Variants in RHBDL3 observed in about 807,000 individuals in gnomAD.
The protein encoded by RHBDL3 is rhomboid-related protein 3.
In RHBDL3, 28 loss-of-function variants were observed where a neutral mutation model predicts 48.2. The ratio of observed to expected loss-of-function variants is 0.58; its 90% CI spans 0.43 to 0.80. The LOEUF (loss-of-function observed/expected upper bound fraction) is 0.80. RHBDL3 is among the 30% of genes least tolerant of loss of function. RHBDL3 has a pLI of 0.00. For missense variants in RHBDL3, 464 were observed against 542.7 expected, an observed-to-expected ratio of 0.85 and a Z score of 1.44; for synonymous variants, 208 against 232.3, an observed-to-expected ratio of 0.90 and a Z score of 0.95.
Position 32,321,122 on chromosome 17 carries a change from C to T in RHBDL3, c.1108C>T (p.Leu370=). ...NYEQRLQDQS[L]WWIFVAMYTV... is the part of the protein sequence containing the mutation. ...CGAGCAGAGGCTCCAGGACCAGTCACTGTGGTGGATTTTTGTGGCCATGTA... is the reference window on the plus strand; with the variant it reads ...CGAGCAGAGGCTCCAGGACCAGTCATTGTGGTGGATTTTTGTGGCCATGTA... The change falls in exon 9 of 9, where the codon CTG becomes TTG. Residue 370 remains leucine, a synonymous_variant. Coordinates refer to ENST00000269051, the MANE Select transcript of RHBDL3 (RefSeq NM_138328.3). The T allele has an allele frequency of 6.2e-7, 1 of 1,614,248 alleles. No homozygotes were observed. The highest frequency in any genetic ancestry group is 8.5e-7 in the Non-Finnish European group (1 of 1,180,030).
chr17:32,307,371 C>G (rs184994656), intron 7 of RHBDL3, among the ~76,000 whole-genome samples: 1 of 152,316 alleles, frequency 6.6e-6, no homozygotes, highest in Non-Finnish European at 1.5e-5. Flanking sequence ...TTTGAATGCT[C>G]AATGATCACA....
At chr17:32,306,213 A>C (rs1169645185) in intron 7 of RHBDL3, among the ~76,000 whole-genome samples, 1 of 151,780 alleles carries the variant, frequency 6.6e-6, no homozygotes, top group Non-Finnish European at 1.5e-5. Flanking sequence ...CATGAGGTCA[A>C]GAGATCGAGA....
intron 2 of RHBDL3, among the ~76,000 whole-genome samples, chr17:32,274,473 G>A (rs771156969): frequency 1.2e-4 from 18 of 152,168 alleles, no homozygotes; most frequent in Admixed American, 3.3e-4. Context: ...AATATTCTTC[G>A]AGGGAGCAAA....
chr17:32,275,429 A>G (rs1567762558), intron 2 of RHBDL3, among the ~76,000 whole-genome samples: 3 of 152,180 alleles, frequency 2.0e-5, no homozygotes, highest in Non-Finnish European at 1.5e-5. Flanking sequence ...AGGAGGTCGG[A>G]AGGAGGAGAA....
intron 8 of RHBDL3, among the ~76,000 whole-genome samples, chr17:32,316,990 GC>G (rs1339127740): frequency 6.6e-6 from 1 of 151,602 alleles, no homozygotes; most frequent in African/African-American, 2.4e-5. Flanking sequence ...TCCTGTCTCA[GC>G]CCCCCAAGTA....
chr17:32,312,219 C>T (rs10853148), intron 7 of RHBDL3, among the ~76,000 whole-genome samples: 73,851 of 151,990 alleles, frequency 0.49, 19,865 homozygotes, highest in Non-Finnish European at 0.61. Flanking sequence ...GTGAATTGCT[C>T]GAGCCCAGGA....
chr17:32,271,167 A>C (rs1434235758), intron 2 of RHBDL3, among the ~76,000 whole-genome samples: 1 of 152,204 alleles, frequency 6.6e-6, no homozygotes, highest in Non-Finnish European at 1.5e-5. Context: ...GATCTCATAA[A>C]TATGCCCTTT....
intron 2 of RHBDL3, among the ~76,000 whole-genome samples, chr17:32,278,478 T>C (rs1197366958): frequency 6.6e-6 from 1 of 152,216 alleles, no homozygotes; most frequent in Non-Finnish European, 1.5e-5. Flanking sequence ...CCTATGCACC[T>C]GTTTCCCCAT....
At chr17:32,283,317 C>CTTTTT (rs1156849774) in intron 2 of RHBDL3, among the ~76,000 whole-genome samples, 54 of 92,932 alleles carry the variant, frequency 5.8e-4, no homozygotes, top group East Asian at 8.8e-4. Flanking sequence ...GCCTTTTCTT[C>CTTTTT]TTTTTTTTTT....
At chr17:32,290,640 A>G (rs1252465773) in intron 4 of RHBDL3, among the ~76,000 whole-genome samples, 1 of 152,198 alleles carries the variant, frequency 6.6e-6, no homozygotes, top group African/African-American at 2.4e-5. Flanking sequence ...AATAAGAAAC[A>G]GCAGCCGACA....
chr17:32,278,155 C>T (rs889071993), intron 2 of RHBDL3, among the ~76,000 whole-genome samples: 6 of 151,902 alleles, frequency 3.9e-5, no homozygotes, highest in African/African-American at 7.3e-5. Context: ...AAAAATTAGC[C>T]GGGTGTGGTG....
chr17:32,306,908 G>A (rs1433477849), intron 7 of RHBDL3, among the ~76,000 whole-genome samples: 1 of 152,180 alleles, frequency 6.6e-6, no homozygotes, highest in African/African-American at 2.4e-5. Context: ...GAAACAGAGT[G>A]AGACCCTGTC....
intron 7 of RHBDL3, among the ~76,000 whole-genome samples, chr17:32,309,353 G>A (rs984417544): frequency 1.3e-5 from 2 of 151,978 alleles, no homozygotes; most frequent in Non-Finnish European, 2.9e-5. Flanking sequence ...GGGAGTTTGC[G>A]ACCAGCCTGA....
intron 2 of RHBDL3, among the ~76,000 whole-genome samples, chr17:32,283,929 T>C (rs1260329638): frequency 6.6e-6 from 1 of 151,812 alleles, no homozygotes; most frequent in Non-Finnish European, 1.5e-5. Context: ...CATATCTGAG[T>C]AGTCAGGAAG....
intron 2 of RHBDL3, among the ~76,000 whole-genome samples, chr17:32,274,837 TATGC>T (rs1216584011): frequency 6.6e-6 from 1 of 152,064 alleles, no homozygotes; most frequent in Non-Finnish European, 1.5e-5. Flanking sequence ...CATGTGTGTG[TATGC>T]ATGCATGTGT....
chr17:32,302,722 T>C (rs2040615323), intron 6 of RHBDL3, among the ~76,000 whole-genome samples: 1 of 152,052 alleles, frequency 6.6e-6, no homozygotes, highest in Admixed American at 6.6e-5. Flanking sequence ...GCAGGTGGAT[T>C]CAGGCCGTTA....
intron 7 of RHBDL3, among the ~76,000 whole-genome samples, 185 bp downstream of exon 7, chr17:32,305,626 A>G (rs998819072): frequency 6.6e-6 from 1 of 151,672 alleles, no homozygotes; most frequent in Non-Finnish European, 1.5e-5. Flanking sequence ...TGCGATTCCT[A>G]TTTTCTCCAG....
At chr17:32,282,013 C>T (rs887939772) in intron 2 of RHBDL3, among the ~76,000 whole-genome samples, 1 of 152,188 alleles carries the variant, frequency 6.6e-6, no homozygotes, top group Non-Finnish European at 1.5e-5. Context: ...CCTCTATTTC[C>T]TCGTCTGTAA....
chr17:32,304,183 C>G (rs1331708863), intron 6 of RHBDL3, among the ~76,000 whole-genome samples: 2 of 152,170 alleles, frequency 1.3e-5, no homozygotes, highest in African/African-American at 4.8e-5. Context: ...TTCCTTTCCC[C>G]CAGAGGGTAT....
Sources: gnomAD v4.1 joint callset for allele counts (sites outside exome capture counted in the v4.1 genomes callset) on GRCh38, gnomAD v4.1.1 for gene constraint, MANE v1.5 for transcripts, NCBI Gene and HGNC (gene_info 2026-07-23, HGNC 2026-07-21) for gene names.